Variants in SPMAP2L observed in about 807,000 individuals in gnomAD.
SPMAP2L encodes sperm microtubule associated protein 2 like, also known as sperm microtubule associated protein 2-like.
chr4:56,538,593 A>G, the SPMAP2L span, among the ~76,000 whole-genome samples: 1 of 152,240 alleles, frequency 6.6e-6, no homozygotes, highest in Non-Finnish European at 1.5e-5. Flanking sequence ...ACCTGAGGTC[A>G]GGAGTTCAAG....
At chr4:56,602,998 A>G in the SPMAP2L span, among the ~76,000 whole-genome samples, 11 of 152,340 alleles carry the variant, frequency 7.2e-5, no homozygotes, top group South Asian at 1.9e-3. Flanking sequence ...AGGTTTTGGA[A>G]TCTGAGAGAC....
the SPMAP2L span, among the ~76,000 whole-genome samples, chr4:56,541,472 G>A: frequency 6.6e-6 from 1 of 151,904 alleles, no homozygotes; most frequent in Non-Finnish European, 1.5e-5. Context: ...AGGGCACATT[G>A]TTTTTATTTC....
the SPMAP2L span, among the ~76,000 whole-genome samples, chr4:56,547,252 T>C: frequency 7.9e-5 from 12 of 151,714 alleles, no homozygotes; most frequent in African/African-American, 2.2e-4. Flanking sequence ...CTTTTTTTTT[T>C]TTTTTTTGAG....
chr4:56,622,590 T>C, the SPMAP2L span, among the ~76,000 whole-genome samples: 3 of 152,218 alleles, frequency 2.0e-5, no homozygotes, highest in African/African-American at 7.2e-5. Context: ...TGATCAGCAA[T>C]AACACATTTC....
chr4:56,611,296 C>T, the SPMAP2L span, among the ~76,000 whole-genome samples: 2 of 152,142 alleles, frequency 1.3e-5, no homozygotes, highest in African/African-American at 4.8e-5. Context: ...TTGCAGCAAC[C>T]TGAATGAGAC....
the SPMAP2L span, chr4:56,594,361 C>T: frequency 4.5e-6 from 7 of 1,544,626 alleles, no homozygotes; most frequent in Admixed American, 1.7e-5. Context: ...CGTCTGAACT[C>T]GCACCTATCA....
the SPMAP2L span, among the ~76,000 whole-genome samples, chr4:56,575,228 G>A: frequency 2.7e-5 from 4 of 148,286 alleles, no homozygotes; most frequent in South Asian, 2.1e-4. Context: ...CAGTCTGGGC[G>A]ACAGAGCGAG....
At chr4:56,535,620 G>A in the SPMAP2L span, among the ~76,000 whole-genome samples, 1 of 152,256 alleles carries the variant, frequency 6.6e-6, no homozygotes, top group Admixed American at 6.5e-5. Context: ...GATGCTCCCA[G>A]CCGAATAAAG....
chr4:56,547,339 A>G, the SPMAP2L span, among the ~76,000 whole-genome samples: 1 of 149,982 alleles, frequency 6.7e-6, no homozygotes, highest in Non-Finnish European at 1.5e-5. Context: ...TCCGCCTCCC[A>G]GGTTCAAGCA....
the SPMAP2L span, among the ~76,000 whole-genome samples, chr4:56,588,241 A>G: frequency 6.6e-6 from 1 of 152,124 alleles, no homozygotes; most frequent in Admixed American, 6.5e-5. Context: ...ATGGATTGTG[A>G]AGATTTTCTC....
At chr4:56,536,394 G>A in the SPMAP2L span, among the ~76,000 whole-genome samples, 1 of 152,172 alleles carries the variant, frequency 6.6e-6, no homozygotes, top group African/African-American at 2.4e-5. Context: ...CAAATAACTT[G>A]TCATCTCCTT....
chr4:56,545,341 A>G, the SPMAP2L span, among the ~76,000 whole-genome samples: 2 of 152,296 alleles, frequency 1.3e-5, no homozygotes, highest in Admixed American at 6.5e-5. Context: ...TTATGTAAGC[A>G]ACCTCAAATC....
chr4:56,596,587 G>T, the SPMAP2L span: 19 of 1,533,186 alleles, frequency 1.2e-5, no homozygotes, highest in Admixed American at 2.0e-5. Context: ...CAAGTTAGAG[G>T]GTCTGTGCTA....
the SPMAP2L span, chr4:56,584,730 T>C: frequency 2.1e-5 from 15 of 709,976 alleles, no homozygotes. Context: ...TCAAATGAAC[T>C]TTTCTGACTC....
the SPMAP2L span, chr4:56,593,748 C>G: frequency 6.4e-7 from 1 of 1,567,700 alleles, no homozygotes; most frequent in South Asian, 1.1e-5. Context: ...TATTGTCTTG[C>G]TCTTCAAACC....
the SPMAP2L span, among the ~76,000 whole-genome samples, chr4:56,541,084 G>C: frequency 6.6e-6 from 1 of 152,186 alleles, no homozygotes; most frequent in Non-Finnish European, 1.5e-5. Context: ...TTCCTTTCTA[G>C]TGAAATGAAG....
chr4:56,540,423 A>T, the SPMAP2L span, among the ~76,000 whole-genome samples: 1 of 152,128 alleles, frequency 6.6e-6, no homozygotes, highest in African/African-American at 2.4e-5. Flanking sequence ...CACGCCTGTA[A>T]GCCCAGCTAC....
At chr4:56,536,047 G>C in the SPMAP2L span, among the ~76,000 whole-genome samples, 708 of 152,332 alleles carry the variant, frequency 4.6e-3, 5 homozygotes, top group African/African-American at 0.016. Flanking sequence ...AGAATGTAAT[G>C]CCACCACTGA....
At chr4:56,584,617 T>G in the SPMAP2L span, 3 of 1,520,166 alleles carry the variant, frequency 2.0e-6, no homozygotes, top group Non-Finnish European at 2.6e-6. Flanking sequence ...AAAAAGTAAG[T>G]GTGCCCTTGT....
Sources: allele counts gnomAD v4.1 joint callset (sites outside exome capture counted in the v4.1 genomes callset), GRCh38; gene constraint gnomAD v4.1.1; transcripts MANE v1.5; gene names NCBI Gene and HGNC (gene_info 2026-07-23, HGNC 2026-07-21).